CDK19: variants seen among roughly 807,000 people sequenced by gnomAD.
CDK19 encodes cyclin-dependent kinase 19.
Under a neutral mutation model 68.3 loss-of-function variants are expected in CDK19, and 20 were observed. The ratio of observed to expected loss-of-function variants is 0.29; its 90% confidence interval spans 0.21 to 0.43. The LOEUF (loss-of-function observed/expected upper bound fraction) is 0.43, where lower values mean the gene tolerates loss of function less well. Ranked by LOEUF, CDK19 falls within the 20% of genes least tolerant of loss-of-function variation. CDK19 has a pLI of 1.00. For missense variants in CDK19, 339 were observed against 623.5 expected (o/e 0.54, Z 4.86); for synonymous variants, 221 against 222.8 (o/e 0.99, Z 0.07).
chr6:110,785,946 C>T (rs890971006), intron 1 of CDK19, among the ~76,000 whole-genome samples: 1 of 151,646 alleles, frequency 6.6e-6, no homozygotes, highest in Non-Finnish European at 1.5e-5. Context: ...AGCCATTGCA[C>T]CCCACCCTGG....
At chr6:110,672,643 A>T (rs80346866) in intron 2 of CDK19, among the ~76,000 whole-genome samples, 1,760 of 152,310 alleles carry the variant, frequency 0.012, 35 homozygotes, top group African/African-American at 0.041. Context: ...AATAAAAACA[A>T]ATATGAATAT....
chr6:110,645,897 G>T (rs1484560432), intron 4 of CDK19: 1 of 804,050 alleles, frequency 1.2e-6, no homozygotes, highest in East Asian at 2.9e-5. Context: ...CGGCGACTCA[G>T]TCCTGCGAAC....
intron 2 of CDK19, among the ~76,000 whole-genome samples, chr6:110,718,656 A>C (rs985230247): frequency 1.2e-3 from 147 of 123,132 alleles, no homozygotes; most frequent in African/African-American, 3.5e-3. Context: ...AAAAAAAAAA[A>C]CCCTTCTAAT....
chr6:110,620,101 C>T (rs935543080), intron 12 of CDK19, among the ~76,000 whole-genome samples: 1 of 151,920 alleles, frequency 6.6e-6, no homozygotes, highest in Non-Finnish European at 1.5e-5. Flanking sequence ...TTAATTGGAA[C>T]CAAGTGGAAG....
intron 2 of CDK19, among the ~76,000 whole-genome samples, chr6:110,735,991 C>G (rs1438918965): frequency 6.6e-6 from 1 of 152,188 alleles, no homozygotes; most frequent in Non-Finnish European, 1.5e-5. Flanking sequence ...GCACGGCATA[C>G]TCCCTCAGCA....
intron 4 of CDK19, among the ~76,000 whole-genome samples, chr6:110,652,608 A>T (rs560590587): frequency 6.6e-6 from 1 of 152,344 alleles, no homozygotes; most frequent in South Asian, 2.1e-4. Flanking sequence ...AAATTGCTTC[A>T]TGTAAGAAAT....
At chr6:110,657,089 C>T (rs1781351269) in intron 4 of CDK19, among the ~76,000 whole-genome samples, 1 of 152,196 alleles carries the variant, frequency 6.6e-6, no homozygotes, top group South Asian at 2.1e-4. Flanking sequence ...TCAGACTGAG[C>T]TCTCTTGTTT....
chr6:110,780,096 T>C (rs1003990068), intron 1 of CDK19, among the ~76,000 whole-genome samples: 4 of 151,844 alleles, frequency 2.6e-5, no homozygotes, highest in Non-Finnish European at 5.9e-5. Context: ...CACATGTCTG[T>C]AATCCCAGCT....
chr6:110,632,035 G>A lies in CDK19; in HGVS notation c.641C>T (p.Ala214Val). 6.2e-7 allele frequency: 1 copy of A among 1,603,478 alleles called. No individual in the cohort carries two copies. Among genetic ancestry groups the A allele is most frequent in the Non-Finnish European group, 8.5e-7 (1 of 1,173,294 alleles). The stretch of plus-strand genomic sequence containing the variant: ...ATCATTTTAGACCAACTTACCAATG[G>A]CCTTTGTATAATGCCTTGCACCAAG... ...LLLGARHYTK[A>V]IDIWAIGCIF... The change falls in exon 6 of 13, where the codon GCC becomes GTC. Residue 214 changes from alanine (A) to valine (V), a missense_variant. By Grantham distance (64) the Ala-to-Val change is moderately conservative. This residue lies in a region of CDK19 where 63 missense variants were observed against 156.5 expected (regional missense o/e 0.40). Coordinates refer to ENST00000368911, the MANE Select transcript of CDK19 (RefSeq NM_015076.5).
At chr6:110,792,685 C>T (rs758770246) in intron 1 of CDK19, among the ~76,000 whole-genome samples, 4 of 152,136 alleles carry the variant, frequency 2.6e-5, no homozygotes, top group Non-Finnish European at 5.9e-5. Context: ...ACATTCATGG[C>T]GAATACTTTT....
chr6:110,789,034 T>C (rs1781423697), intron 1 of CDK19, among the ~76,000 whole-genome samples: 1 of 152,190 alleles, frequency 6.6e-6, no homozygotes, highest in Non-Finnish European at 1.5e-5. Flanking sequence ...GAGAGACAAA[T>C]TGCTTATGTG....
chr6:110,642,933 A>G (rs1780299914), intron 4 of CDK19, among the ~76,000 whole-genome samples: 1 of 152,190 alleles, frequency 6.6e-6, no homozygotes, highest in Non-Finnish European at 1.5e-5. Flanking sequence ...AGCATCCCAG[A>G]TTGCACAAGA....
intron 2 of CDK19, among the ~76,000 whole-genome samples, chr6:110,733,350 T>C (rs187655966): frequency 6.6e-6 from 1 of 152,352 alleles, no homozygotes; most frequent in East Asian, 1.9e-4. Flanking sequence ...CACTCTCCTA[T>C]GGCTGAACAT....
rs372327236 is a variant in CDK19, at chr6:110,667,455, A to G, written c.435T>C (p.Asn145=). ...ILDGIHYLHA[N]WVLHRDLKPA... is the part of the protein sequence containing the mutation. ...TTACCAAGTCTCTGTGAAGCACCCA[A>G]TTTGCATGGAGGTAATGGATACCAT... is the stretch of plus-strand genomic sequence containing the variant. Residue 145 remains asparagine (N), a synonymous_variant, in exon 4 of 13, where the codon AAT becomes AAC. Coordinates refer to ENST00000368911, the MANE Select transcript of CDK19 (RefSeq NM_015076.5). 3.3e-5 allele frequency: 53 copies of G among 1,585,204 alleles called. No individual in the cohort carries two copies. In the East Asian group the frequency reaches 3.7e-4, roughly 11 times the overall value.
intron 4 of CDK19, among the ~76,000 whole-genome samples, chr6:110,640,418 T>C (rs990355417): frequency 6.6e-5 from 10 of 152,070 alleles, no homozygotes; most frequent in Admixed American, 2.0e-4. Context: ...CTGTCCAATG[T>C]CTTGTCAGCA....
At chr6:110,799,981 T>C (rs181819760) in intron 1 of CDK19, among the ~76,000 whole-genome samples, 2 of 152,264 alleles carry the variant, frequency 1.3e-5, no homozygotes, top group Admixed American at 6.5e-5. Flanking sequence ...GTACTAAAGA[T>C]TACATTTCCT....
chr6:110,692,026 T>C (rs1582875637), intron 2 of CDK19, among the ~76,000 whole-genome samples: 2 of 151,336 alleles, frequency 1.3e-5, no homozygotes, highest in Non-Finnish European at 2.9e-5. Flanking sequence ...CTGGGCGCGG[T>C]GGCTCATGCC....
At chr6:110,675,350 G>A (rs574746548) in intron 2 of CDK19, among the ~76,000 whole-genome samples, 6 of 152,232 alleles carry the variant, frequency 3.9e-5, no homozygotes, top group African/African-American at 9.6e-5. Flanking sequence ...CTAAATGGCC[G>A]GGTACAGTGG....
chr6:110,783,900 C>T (rs1399470735), intron 1 of CDK19, among the ~76,000 whole-genome samples: 6 of 151,132 alleles, frequency 4.0e-5, no homozygotes, highest in Non-Finnish European at 8.9e-5. Context: ...TGGCTCACGC[C>T]TGTTATCCCA....
Sources: gnomAD v4.1 joint callset for allele counts (sites outside exome capture counted in the v4.1 genomes callset) on GRCh38, gnomAD v4.1.1 for gene constraint, gnomAD v4.1.1 regional missense constraint, MANE v1.5 for transcripts, NCBI Gene and HGNC (gene_info 2026-07-23, HGNC 2026-07-21) for gene names.